The following SLC12A8 variants were observed in gnomAD, a reference collection of about 807,000 sequenced individuals.
SLC12A8 encodes the protein cation-chloride cotransporter 9.
A neutral mutation model predicts 75.6 loss-of-function variants in SLC12A8; 69 were observed. The ratio of observed to expected loss-of-function variants is 0.91; its 90% confidence interval spans 0.75 to 1.11. The LOEUF is 1.11. Among genes scored for constraint, SLC12A8 ranks in the 50% most tolerant of loss-of-function variants. The pLI is 0.00. For missense variants in SLC12A8, 877 were observed against 896.7 expected, an observed-to-expected ratio of 0.98 and a Z score of 0.28; for synonymous variants, 365 against 372.8, an observed-to-expected ratio of 0.98 and a Z score of 0.24.
chr3:125,116,241 T>A (rs1939309516), intron 8 of SLC12A8, among the ~76,000 whole-genome samples: 1 of 152,236 alleles, frequency 6.6e-6, no homozygotes, highest in South Asian at 2.1e-4. Flanking sequence ...CACTGCTTAC[T>A]GACTTGCTGC....
At chr3:125,114,399 T>C (rs1422751986) in intron 8 of SLC12A8, among the ~76,000 whole-genome samples, 56 of 152,166 alleles carry the variant, frequency 3.7e-4, no homozygotes, top group Admixed American at 3.6e-3. Flanking sequence ...GAATCAGAGT[T>C]TGCTCTGTGG....
In SLC12A8 at chr3:125,120,686, C is replaced by A. The variant is rs1047339036; in HGVS notation, c.737G>T (p.Gly246Val). Residue 246 changes from glycine to valine, a missense_variant and splice_region_variant, in exon 7 of 14, where the codon GGA (glycine) becomes GTA (valine). Transcript: ENST00000469902. ...CCCCATGTTGAAGCCGGCCATGACT[C>A]CTGAAAGACACCCAGATGGGGAATG... ...VFGVFFPAAT[G>V]VMAGFNMGGD... is the part of the protein sequence containing the mutation. The A allele has an allele frequency of 1.9e-6, 3 of 1,613,068 alleles. No homozygotes were observed. The highest frequency in any genetic ancestry group is 2.5e-6 in the Non-Finnish European group (3 of 1,179,496).
At chr3:125,164,982 A>G (rs1465227931) in intron 5 of SLC12A8, among the ~76,000 whole-genome samples, 1 of 152,210 alleles carries the variant, frequency 6.6e-6, no homozygotes, top group Non-Finnish European at 1.5e-5. Flanking sequence ...TAAACCGCTC[A>G]TCAGCTATTC....
intron 13 of SLC12A8, among the ~76,000 whole-genome samples, chr3:125,086,585 A>G (rs1938465930): frequency 6.6e-6 from 1 of 152,214 alleles, no homozygotes; most frequent in South Asian, 2.1e-4. Flanking sequence ...CAGAATCTGT[A>G]GGCAGCTTTT....
intron 8 of SLC12A8, among the ~76,000 whole-genome samples, chr3:125,111,061 C>T (rs1560054906): frequency 1.3e-5 from 2 of 152,172 alleles, no homozygotes; most frequent in East Asian, 3.8e-4. Flanking sequence ...GAGGCCATCC[C>T]CTCTTCCCTG....
chr3:125,197,234 T>C (rs1200113124), intron 2 of SLC12A8, among the ~76,000 whole-genome samples: 1 of 152,102 alleles, frequency 6.6e-6, no homozygotes, highest in Non-Finnish European at 1.5e-5. Flanking sequence ...ATAATAGCAA[T>C]AGAATATTCA....
intron 2 of SLC12A8, among the ~76,000 whole-genome samples, chr3:125,201,702 GAAAAAAAAAAAA>G (rs141256499): frequency 2.1e-5 from 2 of 95,572 alleles, no homozygotes; most frequent in African/African-American, 3.7e-5. Flanking sequence ...AGCCATGATT[GAAAAAAAAAAAA>G]AAAAAAAAGA....
chr3:125,197,854 C>A (rs923543103), intron 2 of SLC12A8, among the ~76,000 whole-genome samples: 6 of 152,092 alleles, frequency 3.9e-5, no homozygotes, highest in Non-Finnish European at 7.4e-5. Context: ...GCCAGCTCTG[C>A]CAAGAATCAT....
intron 5 of SLC12A8, among the ~76,000 whole-genome samples, chr3:125,145,662 T>C (rs756560164): frequency 1.7e-4 from 24 of 139,106 alleles, no homozygotes; most frequent in Non-Finnish European, 3.5e-4. Context: ...AAACCCTATA[T>C]ATACTATGTT....
At chr3:125,098,554 C>CCACA (rs3222429) in intron 10 of SLC12A8, among the ~76,000 whole-genome samples, 33,127 of 143,732 alleles carry the variant, frequency 0.23, 3,961 homozygotes, top group Middle Eastern at 0.34. Context: ...TGAATCTTCT[C>CCACA]CACACACACA....
At chr3:125,191,686 C>G (rs933484949) in intron 2 of SLC12A8, among the ~76,000 whole-genome samples, 2 of 152,230 alleles carry the variant, frequency 1.3e-5, no homozygotes, top group Non-Finnish European at 2.9e-5. Context: ...GGATCTAGAA[C>G]CAAAGGCTAA....
intron 13 of SLC12A8, among the ~76,000 whole-genome samples, chr3:125,087,384 C>T (rs1054122093): frequency 5.9e-5 from 9 of 152,090 alleles, no homozygotes; most frequent in East Asian, 1.9e-4. Flanking sequence ...TAAGCCACCA[C>T]GCCCAGCCCT....
At chr3:125,087,822 C>A (rs1406437566) in intron 13 of SLC12A8, among the ~76,000 whole-genome samples, 1 of 152,146 alleles carries the variant, frequency 6.6e-6, no homozygotes, top group Non-Finnish European at 1.5e-5. Context: ...CCATAGAGGT[C>A]CCACAGAAAT....
At chr3:125,200,736 A>T (rs1422025619) in intron 2 of SLC12A8, among the ~76,000 whole-genome samples, 2 of 152,188 alleles carry the variant, frequency 1.3e-5, no homozygotes, top group Non-Finnish European at 1.5e-5. Context: ...CTAAGTTTTT[A>T]AATTTGTTTT....
At chr3:125,198,953 A>G (rs148721303) in intron 2 of SLC12A8, among the ~76,000 whole-genome samples, 1 of 151,312 alleles carries the variant, frequency 6.6e-6, no homozygotes, top group Non-Finnish European at 1.5e-5. Flanking sequence ...AATTTTTTTG[A>G]ATTTTTAGTA....
At chr3:125,200,372 C>T (rs982507382) in intron 2 of SLC12A8, among the ~76,000 whole-genome samples, 22 of 152,146 alleles carry the variant, frequency 1.4e-4, no homozygotes, top group African/African-American at 5.3e-4. Flanking sequence ...TCATCTGAGC[C>T]TGGGAGGTTA....
intron 5 of SLC12A8, among the ~76,000 whole-genome samples, chr3:125,163,989 G>T (rs1280512032): frequency 6.6e-6 from 1 of 152,226 alleles, no homozygotes; most frequent in Admixed American, 6.5e-5. Context: ...TATGGCCTCT[G>T]TTCCTGGTGG....
At chr3:125,201,702 GA>G (rs141256499) in intron 2 of SLC12A8, among the ~76,000 whole-genome samples, 68,842 of 95,448 alleles carry the variant, frequency 0.72, 23,827 homozygotes, top group Middle Eastern at 0.82. Flanking sequence ...AGCCATGATT[GA>G]AAAAAAAAAA....
At chr3:125,156,398 C>G (rs1304522820) in intron 5 of SLC12A8, among the ~76,000 whole-genome samples, 2 of 152,116 alleles carry the variant, frequency 1.3e-5, no homozygotes, top group Non-Finnish European at 2.9e-5. Context: ...ATGTGTGCAC[C>G]CACTCATGTA....
Sources: gnomAD v4.1 joint callset for allele counts (sites outside exome capture counted in the v4.1 genomes callset) on GRCh38, gnomAD v4.1.1 for gene constraint, MANE v1.5 for transcripts, NCBI Gene and HGNC (gene_info 2026-07-23, HGNC 2026-07-21) for gene names.